The following DAB1 variants were observed in gnomAD, a reference collection of about 807,000 sequenced individuals.
DAB1 encodes DAB adaptor protein 1.
DAB1 carries 15 observed loss-of-function variants against 64.6 expected under a neutral mutation model. That is an observed-to-expected ratio of 0.23 (90% CI 0.16 to 0.36). The LOEUF (loss-of-function observed/expected upper bound fraction) is 0.36. Ranked by LOEUF, DAB1 falls within the 10% of genes least tolerant of loss-of-function variation. The pLI, the probability that DAB1 is intolerant of heterozygous loss-of-function variation, is 1.00. For synonymous variants in DAB1, 235 were observed against 251.9 expected (o/e 0.93, Z 0.64); for missense variants, 596 against 706.7 (o/e 0.84, Z 1.78).
At chr1:58,479,050 A>G (rs980834963) in intron 3 of DAB1, among the ~76,000 whole-genome samples, 1 of 152,212 alleles carries the variant, frequency 6.6e-6, no homozygotes, top group Admixed American at 6.5e-5. Context: ...TTCATATACT[A>G]TAAAGATATT....
chr1:58,293,702 A>T (rs1661902112), intron 4 of DAB1, among the ~76,000 whole-genome samples: 1 of 152,194 alleles, frequency 6.6e-6, no homozygotes. Flanking sequence ...GGTTGTTTGG[A>T]AACAACAAAT....
intron 6 of DAB1, among the ~76,000 whole-genome samples, chr1:57,775,817 A>G (rs1193065135): frequency 2.0e-5 from 3 of 151,678 alleles, no homozygotes; most frequent in Non-Finnish European, 4.4e-5. Context: ...TTCACAATTT[A>G]ACGGTAATCT....
chr1:57,391,791 A>G (rs934777884), intron 1 of DAB1, among the ~76,000 whole-genome samples: 4 of 151,468 alleles, frequency 2.6e-5, no homozygotes, highest in Non-Finnish European at 5.9e-5. Flanking sequence ...ACACACACAC[A>G]CACACACACA....
At position 58,286,065 on chromosome 1, in the gene DAB1, A is replaced by C. The variant is rs914206682; in HGVS notation, n.309+57287T>G. Among the ~76,000 whole-genome samples the C allele has an allele frequency of 2.0e-5, 3 of 151,538 alleles. No homozygotes were observed. In the South Asian group the frequency reaches 6.3e-4, roughly 32 times the overall value. On this transcript the variant is annotated intron_variant and non_coding_transcript_variant, in intron 4 of 20. Coordinates refer to the DAB1 transcript ENST00000485760. Reference sequence around the variant, plus strand: ...AACCTGACAAAAACAAGCATTGGGGAAAGGATTCCCTATATAATAAATGGT... The same window carrying C: ...AACCTGACAAAAACAAGCATTGGGGCAAGGATTCCCTATATAATAAATGGT...
intron 1 of DAB1, among the ~76,000 whole-genome samples, chr1:57,846,821 G>GCA (rs150089653): frequency 4.9e-4 from 74 of 151,932 alleles, no homozygotes; most frequent in African/African-American, 1.7e-3. Flanking sequence ...GCACGTGCGT[G>GCA]CACACACACA....
chr1:57,833,405 C>T (rs992156421), intron 1 of DAB1, among the ~76,000 whole-genome samples: 1 of 152,140 alleles, frequency 6.6e-6, no homozygotes, highest in Non-Finnish European at 1.5e-5. Context: ...ATAAAGGAAT[C>T]TTCCCTATAA....
intron 1 of DAB1, among the ~76,000 whole-genome samples, chr1:57,401,717 G>A (rs1213086479): frequency 1.3e-5 from 2 of 152,156 alleles, no homozygotes; most frequent in African/African-American, 4.8e-5. Flanking sequence ...GCAGTTCAAG[G>A]ACACACAGAT....
rs1287263622 is a variant in DAB1, at chr1:57,877,622, G to A, written n.87+6377C>T. ...AGGCCGGACTGCGGACTGCAGTGGC[G>A]CAATCTCGGCTCACTGCAAGCTCCG... is the stretch of plus-strand genomic sequence containing the variant. On this transcript the variant is annotated intron_variant and non_coding_transcript_variant, in intron 1 of 1. Coordinates refer to the DAB1 transcript ENST00000477280. 2.2e-4 allele frequency among the ~76,000 whole-genome samples: 5 copies of A among 22,590 alleles called. 2 individuals carry two copies. Among genetic ancestry groups the A allele is most frequent in the Admixed American group, 1.6e-3 (3 of 1,826 alleles). 14.8% of individuals were successfully genotyped at this position (22,590 alleles called of 152,430 possible). A position where few individuals can be genotyped will look rare whatever the true frequency, so the allele number is the denominator to read the frequency against.
intron 4 of DAB1, among the ~76,000 whole-genome samples, chr1:58,253,990 A>C (rs1452058616): frequency 6.6e-6 from 1 of 152,224 alleles, no homozygotes; most frequent in African/African-American, 2.4e-5. Flanking sequence ...ACAAGGATAA[A>C]AGTATGAATA....
At chr1:58,021,227 T>C (rs1157357537) in intron 5 of DAB1, among the ~76,000 whole-genome samples, 2 of 152,234 alleles carry the variant, frequency 1.3e-5, no homozygotes, top group African/African-American at 4.8e-5. Context: ...CCAGGCCTTG[T>C]CTTCCTAGAG....
intron 7 of DAB1, among the ~76,000 whole-genome samples, chr1:57,506,007 C>A (rs1644339040): frequency 6.6e-6 from 1 of 152,212 alleles, no homozygotes; most frequent in Non-Finnish European, 1.5e-5. Flanking sequence ...CTCTTCCACT[C>A]TAAAAAATAA....
chr1:58,206,678 T>C (rs951980545), intron 4 of DAB1, among the ~76,000 whole-genome samples: 3 of 152,172 alleles, frequency 2.0e-5, no homozygotes, highest in Admixed American at 6.5e-5. Flanking sequence ...CTTCCAGATA[T>C]AGAGTAGGTA....
chr1:58,426,011 C>T (rs1230526392), intron 3 of DAB1, among the ~76,000 whole-genome samples: 4 of 151,976 alleles, frequency 2.6e-5, no homozygotes, highest in Admixed American at 2.0e-4. Flanking sequence ...AGGGGAGAGC[C>T]CTTACAGGGA....
At chr1:57,616,978 G>T (rs1475912300) in intron 7 of DAB1, among the ~76,000 whole-genome samples, 3 of 152,152 alleles carry the variant, frequency 2.0e-5, no homozygotes. Flanking sequence ...TGACTTGAGT[G>T]TTTCCCTCTG....
intron 5 of DAB1, among the ~76,000 whole-genome samples, chr1:58,034,157 C>T (rs1463396303): frequency 2.6e-5 from 4 of 152,240 alleles, no homozygotes; most frequent in Non-Finnish European, 4.4e-5. Flanking sequence ...AGCAGTCACT[C>T]TCTCACTCTC....
chr1:58,139,046 T>C (rs1654128492), intron 5 of DAB1, among the ~76,000 whole-genome samples: 1 of 152,130 alleles, frequency 6.6e-6, no homozygotes, highest in East Asian at 1.9e-4. Context: ...GTGTGTAATT[T>C]GGGGCTTTTT....
At chr1:57,470,376 C>CA (rs1214670045) in intron 7 of DAB1, among the ~76,000 whole-genome samples, 1 of 152,186 alleles carries the variant, frequency 6.6e-6, no homozygotes, top group Non-Finnish European at 1.5e-5. Flanking sequence ...TCCAGATTTT[C>CA]AAAAACACTT....
intron 4 of DAB1, among the ~76,000 whole-genome samples, chr1:58,312,774 T>G (rs1268245166): frequency 6.6e-6 from 1 of 152,170 alleles, no homozygotes; most frequent in Non-Finnish European, 1.5e-5. Flanking sequence ...ATCCCAGCTG[T>G]ACTCACTTAC....
chr1:58,010,311 T>C (rs1403437494), intron 5 of DAB1, among the ~76,000 whole-genome samples: 5 of 152,318 alleles, frequency 3.3e-5, no homozygotes, highest in African/African-American at 1.2e-4. Flanking sequence ...AGAAGGATCA[T>C]ATTTTGCCTT....
Sources: allele counts gnomAD v4.1 joint callset (sites outside exome capture counted in the v4.1 genomes callset), GRCh38; gene constraint gnomAD v4.1.1; transcripts MANE v1.5; gene names NCBI Gene and HGNC (gene_info 2026-07-23, HGNC 2026-07-21).